The following DPYD variants were observed in gnomAD, a reference collection of about 807,000 sequenced individuals.
The protein encoded by DPYD is dihydropyrimidine dehydrogenase [NADP(+)].
Under a neutral mutation model 116.2 loss-of-function variants are expected in DPYD, and 109 were observed. That is an observed-to-expected ratio of 0.94 (90% CI 0.80 to 1.10). The LOEUF is 1.10. Among genes scored for constraint, DPYD ranks in the 50% least tolerant of loss-of-function variants. The pLI is 0.00. For missense variants in DPYD, 1,302 were observed against 1,254.5 expected (o/e 1.04, Z -0.57); for synonymous variants, 440 against 432.0 (o/e 1.02, Z -0.23).
At chr1:97,809,362 A>G (rs1231920736) in intron 3 of DPYD, among the ~76,000 whole-genome samples, 2 of 152,154 alleles carry the variant, frequency 1.3e-5, no homozygotes, top group African/African-American at 4.8e-5. Flanking sequence ...ATTGATCTGA[A>G]GTTTGTATTG....
intron 13 of DPYD, among the ~76,000 whole-genome samples, chr1:97,472,862 T>C (rs767926196): frequency 2.4e-4 from 37 of 152,238 alleles, no homozygotes; most frequent in Admixed American, 2.2e-3. Context: ...AAAACTTGTA[T>C]ATATTTAAGA....
At chr1:97,733,268 A>G (rs1663735903) in intron 4 of DPYD, among the ~76,000 whole-genome samples, 1 of 152,072 alleles carries the variant, frequency 6.6e-6, no homozygotes. Context: ...ATTTAATTTT[A>G]CTACTGAATT....
At chr1:97,720,860 C>A (rs1171821969) in intron 5 of DPYD, 1 of 1,607,868 alleles carries the variant, frequency 6.2e-7, no homozygotes. Flanking sequence ...CGTCAGAGAG[C>A]CCAAGAGTGT....
At chr1:97,079,481 C>T (rs933491301) in intron 22 of DPYD, among the ~76,000 whole-genome samples, 17 of 152,078 alleles carry the variant, frequency 1.1e-4, no homozygotes, top group African/African-American at 3.9e-4. Context: ...GATGGGGCGT[C>T]TTCTACCTGT....
chr1:97,624,688 A>G (rs929352438), intron 8 of DPYD, among the ~76,000 whole-genome samples: 4 of 152,078 alleles, frequency 2.6e-5, no homozygotes, highest in African/African-American at 9.7e-5. Flanking sequence ...AGCACTATTC[A>G]CAATAGCTAA....
intron 1 of DPYD, among the ~76,000 whole-genome samples, chr1:97,886,232 G>A (rs890738299): frequency 1.3e-5 from 2 of 152,134 alleles, no homozygotes; most frequent in South Asian, 2.1e-4. Flanking sequence ...CACAGAGCTC[G>A]CTCTACCCCA....
chr1:97,431,431 G>A (rs1675171143), intron 14 of DPYD, among the ~76,000 whole-genome samples: 1 of 152,070 alleles, frequency 6.6e-6, no homozygotes, highest in Non-Finnish European at 1.5e-5. Flanking sequence ...GATGATTTCT[G>A]CTCCAATCTC....
At chr1:97,838,734 A>G (rs943660624) in intron 2 of DPYD, among the ~76,000 whole-genome samples, 2 of 152,042 alleles carry the variant, frequency 1.3e-5, no homozygotes, top group African/African-American at 4.8e-5. Context: ...AGTCCCAGGT[A>G]CTTGGGAGGC....
intron 20 of DPYD, among the ~76,000 whole-genome samples, chr1:97,121,038 C>T (rs554128851): frequency 4.3e-4 from 65 of 152,252 alleles, no homozygotes; most frequent in African/African-American, 1.5e-3. Flanking sequence ...TGGTTTTACT[C>T]TTTTCTCTCT....
At chr1:97,876,591 A>G (rs558619935) in intron 2 of DPYD, among the ~76,000 whole-genome samples, 3 of 151,988 alleles carry the variant, frequency 2.0e-5, no homozygotes, top group African/African-American at 7.2e-5. Context: ...GCAGGAGATG[A>G]TCATCATTCA....
intron 4 of DPYD, among the ~76,000 whole-genome samples, chr1:97,722,181 T>C (rs1022712616): frequency 6.6e-6 from 1 of 151,654 alleles, no homozygotes; most frequent in East Asian, 1.9e-4. Flanking sequence ...AGCTGAATAT[T>C]TGGGAGAATG....
At chr1:97,294,454 C>A (rs1255047060) in intron 18 of DPYD, among the ~76,000 whole-genome samples, 1 of 152,082 alleles carries the variant, frequency 6.6e-6, no homozygotes, top group Non-Finnish European at 1.5e-5. Context: ...TTTTCCTCAT[C>A]TAATGAAAAG....
chr1:97,752,069 T>C (rs1008312522), intron 3 of DPYD, among the ~76,000 whole-genome samples: 1 of 149,974 alleles, frequency 6.7e-6, no homozygotes, highest in Non-Finnish European at 1.5e-5. Flanking sequence ...TAAAAAAAGA[T>C]TTTTTTGTGT....
chr1:97,765,413 C>T (rs1238735190), intron 3 of DPYD, among the ~76,000 whole-genome samples: 1 of 152,176 alleles, frequency 6.6e-6, no homozygotes, highest in Admixed American at 6.5e-5. Flanking sequence ...ATCACTGGAG[C>T]TATTCAGGTA....
intron 3 of DPYD, among the ~76,000 whole-genome samples, chr1:97,762,977 A>T (rs1244443289): frequency 6.6e-6 from 1 of 152,086 alleles, no homozygotes; most frequent in Non-Finnish European, 1.5e-5. Flanking sequence ...AGTTATTATG[A>T]GGAACAAAGG....
chr1:97,525,233 A>G (rs1224086718), intron 12 of DPYD, among the ~76,000 whole-genome samples: 1 of 152,174 alleles, frequency 6.6e-6, no homozygotes, highest in East Asian at 1.9e-4. Flanking sequence ...ATTCCTACTC[A>G]ACATTTATGG....
At chr1:97,730,468 G>A (rs1247256745) in intron 4 of DPYD, among the ~76,000 whole-genome samples, 1 of 151,988 alleles carries the variant, frequency 6.6e-6, no homozygotes, top group Non-Finnish European at 1.5e-5. Flanking sequence ...AAGTAATCCA[G>A]CCGCCTCGGC....
chr1:97,109,853 A>G (rs935310671), intron 20 of DPYD, among the ~76,000 whole-genome samples: 1 of 140,040 alleles, frequency 7.1e-6, no homozygotes. Flanking sequence ...TAAGTTTTTT[A>G]ATATAAAAAA....
intron 13 of DPYD, among the ~76,000 whole-genome samples, chr1:97,486,659 A>G (rs887222389): frequency 6.6e-6 from 1 of 152,162 alleles, no homozygotes; most frequent in Non-Finnish European, 1.5e-5. Context: ...GTGCTATCCA[A>G]ATCAAATTTT....
Sources: allele counts gnomAD v4.1 joint callset (sites outside exome capture counted in the v4.1 genomes callset), GRCh38; gene constraint gnomAD v4.1.1; transcripts MANE v1.5; gene names NCBI Gene and HGNC (gene_info 2026-07-23, HGNC 2026-07-21).